ZNF516: variants seen among roughly 807,000 people sequenced by gnomAD.
ZNF516 encodes zinc finger protein 516.
Under a neutral mutation model 79.7 loss-of-function variants are expected in ZNF516, and 19 were observed. That is an observed-to-expected ratio of 0.24 (90% CI 0.17 to 0.35). The LOEUF is 0.35. ZNF516 is among the 10% of genes least tolerant of loss of function. ZNF516 has a pLI of 1.00. For missense variants in ZNF516, 1,678 were observed against 1,679.5 expected (o/e 1.00, Z 0.02); for synonymous variants, 877 against 739.5 (o/e 1.19, Z -3.02).
chr18:76,490,843 G>T, intron 1 of ZNF516: 1 of 985,472 alleles, frequency 1.0e-6, no homozygotes, highest in Non-Finnish European at 1.2e-6. Context: ...GTTACGCAGG[G>T]GACACCCCTG....
chr18:76,478,457 T>G (rs1400628288), intron 1 of ZNF516, among the ~76,000 whole-genome samples: 1 of 152,204 alleles, frequency 6.6e-6, no homozygotes, highest in Non-Finnish European at 1.5e-5. Context: ...TAAGGTTTAA[T>G]ATACAATACA....
intron 2 of ZNF516, among the ~76,000 whole-genome samples, chr18:76,462,699 T>C (rs1361658104): frequency 6.6e-6 from 1 of 152,172 alleles, no homozygotes; most frequent in Non-Finnish European, 1.5e-5. Context: ...CCAATAGTTT[T>C]CCAGATCATA....
In ZNF516 at chr18:76,362,357, C is replaced by T. The variant is rs185462825; in HGVS notation, c.*141G>A. ...CAGTTTCCACTCCAGCGCAGCGGCT[C>T]GGGATGTGAGGTGTCTGCTCAGGAG... On this transcript the variant is annotated 3_prime_UTR_variant, in exon 7 of 7. Coordinates refer to ENST00000443185, the MANE Select transcript of ZNF516 (RefSeq NM_014643.4). The T allele has an allele frequency of 2.5e-5, 17 of 675,272 alleles. No homozygotes were observed. The Admixed American group carries it at 2.5e-4, about 10-fold the overall frequency. 41.8% of individuals were successfully genotyped at this position (675,272 alleles called of 1,614,324 possible).
intron 1 of ZNF516, among the ~76,000 whole-genome samples, chr18:76,465,696 G>A (rs1159781540): frequency 6.6e-6 from 1 of 152,184 alleles, no homozygotes; most frequent in Non-Finnish European, 1.5e-5. Context: ...GATAACCCTG[G>A]GCTAAACCAA....
chr18:76,470,524 C>T (rs1353054076), intron 1 of ZNF516, among the ~76,000 whole-genome samples: 9 of 152,214 alleles, frequency 5.9e-5, no homozygotes, highest in Admixed American at 5.9e-4. Context: ...TTCTTCCTGA[C>T]TGGAAATTCC....
chr18:76,412,324 A>G (rs2075381223), intron 3 of ZNF516, among the ~76,000 whole-genome samples: 1 of 152,118 alleles, frequency 6.6e-6, no homozygotes, highest in Admixed American at 6.5e-5. Context: ...CGGCACCCAA[A>G]GGGACGGCCT....
At chr18:76,408,966 C>T (rs572796089) in intron 3 of ZNF516, among the ~76,000 whole-genome samples, 4 of 152,010 alleles carry the variant, frequency 2.6e-5, no homozygotes, top group Admixed American at 6.6e-5. Context: ...GCCAAAGATA[C>T]GAAAAGTTAA....
intron 3 of ZNF516, among the ~76,000 whole-genome samples, chr18:76,419,960 G>A (rs756478523): frequency 3.9e-5 from 6 of 152,236 alleles, no homozygotes; most frequent in African/African-American, 7.2e-5. Flanking sequence ...TGAGGCCCAC[G>A]CATGTGGAGC....
rs975759325 is a variant in ZNF516, at chr18:76,443,116, C to G, written c.-62G>C. On this transcript the variant is annotated 5_prime_UTR_variant, in exon 3 of 7. Coordinates refer to ENST00000443185, the MANE Select transcript of ZNF516 (RefSeq NM_014643.4). ...TTTCTGTCGCGCGGGCTGCAGGGACCGTCCTATCTCTCCATGGTCAGAAGA... is the reference window on the plus strand; with the variant it reads ...TTTCTGTCGCGCGGGCTGCAGGGACGGTCCTATCTCTCCATGGTCAGAAGA... The G allele has an allele frequency of 1.3e-6, 2 of 1,507,630 alleles. No individual in the cohort carries two copies. Among genetic ancestry groups the G allele is most frequent in the African/African-American group, 1.4e-5 (1 of 71,110 alleles). 93.4% of individuals were successfully genotyped at this position (1,507,630 alleles called of 1,614,324 possible).
intron 2 of ZNF516, among the ~76,000 whole-genome samples, chr18:76,448,151 C>T (rs1318830650): frequency 6.6e-6 from 1 of 152,156 alleles, no homozygotes; most frequent in Non-Finnish European, 1.5e-5. Context: ...TATGTAGCTA[C>T]ATTTTAAAAC....
intron 6 of ZNF516, among the ~76,000 whole-genome samples, chr18:76,368,137 T>C (rs1007805743): frequency 2.6e-5 from 4 of 152,198 alleles, no homozygotes; most frequent in African/African-American, 9.7e-5. Context: ...CTATAATCTA[T>C]AAGGTATCTT....
chr18:76,463,736 G>A (rs567604913), intron 1 of ZNF516, among the ~76,000 whole-genome samples: 14 of 152,154 alleles, frequency 9.2e-5, no homozygotes, highest in Non-Finnish European at 1.5e-4. Flanking sequence ...CTTATACCTG[G>A]GACCACGGAA....
Position 76,437,972 on chromosome 18 carries a change from G to A in ZNF516, c.1810+3273C>T, listed in dbSNP as rs544155600. Among the ~76,000 whole-genome samples the A allele has an allele frequency of 1.2e-4, 18 of 152,310 alleles. 1 individual carries two copies. In the South Asian group the frequency reaches 3.7e-3, roughly 32 times the overall value. On this transcript the variant is annotated intron_variant, in intron 3 of 6. Coordinates refer to ENST00000443185, the MANE Select transcript of ZNF516 (RefSeq NM_014643.4). ...CGCAGTGAGTATCTAAAAAGTGAGG[G>A]TGGGTTCAACAGGATGGAGTATGGA...
intron 2 of ZNF516, among the ~76,000 whole-genome samples, chr18:76,460,332 C>G (rs978826618): frequency 6.6e-6 from 1 of 152,194 alleles, no homozygotes; most frequent in African/African-American, 2.4e-5. Flanking sequence ...GCTGTGAGCC[C>G]ATTCCCTGTC....
chr18:76,492,604 G>A (rs1915298195), intron 1 of ZNF516: 1 of 566,246 alleles, frequency 1.8e-6, no homozygotes. Flanking sequence ...TTCTCAGTTC[G>A]CTTTGCCCGG....
At chr18:76,492,295 C>G in intron 1 of ZNF516, 1 of 985,484 alleles carries the variant, frequency 1.0e-6, no homozygotes, top group Non-Finnish European at 1.2e-6. Flanking sequence ...GCGAGCCACA[C>G]ACATCACTAC....
chr18:76,492,329 C>T (rs1444774483), intron 1 of ZNF516: 3 of 985,326 alleles, frequency 3.0e-6, no homozygotes, highest in Non-Finnish European at 3.6e-6. Context: ...AAAGTCGGTG[C>T]CACAGTAAGT....
chr18:76,377,576 T>C (rs2074808119), intron 4 of ZNF516, among the ~76,000 whole-genome samples: 1 of 152,218 alleles, frequency 6.6e-6, no homozygotes, highest in Admixed American at 6.5e-5. Flanking sequence ...CCACGGTGGA[T>C]CTGGGGAGGC....
intron 3 of ZNF516, among the ~76,000 whole-genome samples, chr18:76,414,940 G>A (rs35122237): frequency 6.6e-6 from 1 of 152,246 alleles, no homozygotes; most frequent in African/African-American, 2.4e-5. Context: ...GCTCACGCCT[G>A]TAATCTCAGC....
Sources: allele counts gnomAD v4.1 joint callset (sites outside exome capture counted in the v4.1 genomes callset), GRCh38; gene constraint gnomAD v4.1.1; transcripts MANE v1.5; gene names NCBI Gene and HGNC (gene_info 2026-07-23, HGNC 2026-07-21).